CMIP: variants seen among roughly 807,000 people sequenced by gnomAD.
The protein encoded by CMIP is C-Maf-inducing protein.
Under a neutral mutation model 97.3 loss-of-function variants are expected in CMIP, and 13 were observed. That is an observed-to-expected ratio of 0.13 (90% confidence interval 0.09 to 0.21). CMIP has a LOEUF of 0.21. CMIP is among the 10% of genes least tolerant of loss of function. The probability of loss-of-function intolerance (pLI) is 1.00; values close to 1 mark genes in which losing one functional copy is unlikely to be tolerated. For missense variants in CMIP, 847 were observed against 1,024.9 expected (o/e 0.83, Z 2.37); for synonymous variants, 538 against 436.3 (o/e 1.23, Z -2.91).
intron 3 of CMIP, chr16:81,630,552 G>A (rs142989880): frequency 2.3e-3 from 358 of 152,390 alleles, no homozygotes; most frequent in Non-Finnish European, 4.0e-3. Context: ...CTGTGCCTCC[G>A]TGGGGTTTTC....
chr16:81,495,403 A>G lies in CMIP; in HGVS notation c.300+49862A>G, dbSNP rs529257444. On this transcript the variant is annotated intron_variant, in intron 1 of 20. Transcript: ENST00000537098. ...CATAACCGTTTGAGAACAACAAACC[A>G]AGCCGGCCGGGCTGCCGCTCTGTTT... The G allele has an allele frequency of 1.1e-5, 17 of 1,567,780 alleles. No homozygotes were observed. The African/African-American group carries it at 1.8e-4, about 16-fold the overall frequency.
intron 9 of CMIP, among the ~76,000 whole-genome samples, chr16:81,677,099 C>T (rs1185560403): frequency 6.6e-6 from 1 of 152,138 alleles, no homozygotes; most frequent in African/African-American, 2.4e-5. Context: ...CCAGGGGATC[C>T]TGGTGTCCCG....
rs1906742128 is a variant in CMIP at position 81,696,567 on chromosome 16, C to T, written c.1538C>T (p.Ser513Leu). 6.2e-7 allele frequency: 1 copy of T among 1,604,316 alleles called. No homozygotes were observed. ...TCTTCCCTTGTCTGGCAGGTCCACT[C>T]ATGCCTGCTGAGCGTGCGGGCCGGC... ...FAEDPRQEVH[S>L]CLLSVRAGKD... is the part of the protein sequence containing the mutation. The change falls in exon 14 of 21, where the codon TCA (serine) becomes TTA (leucine). Residue 513 changes from serine (S) to leucine (L), a missense_variant. Physicochemically the swap from Ser to Leu is moderately radical, Grantham distance 145. This residue lies in a region of CMIP where 266 missense variants were observed against 384.2 expected (regional missense o/e 0.69). Coordinates refer to ENST00000537098, the MANE Select transcript of CMIP (RefSeq NM_198390.3).
At chr16:81,468,775 C>T (rs773458152) in intron 1 of CMIP, among the ~76,000 whole-genome samples, 1 of 152,222 alleles carries the variant, frequency 6.6e-6, no homozygotes, top group Non-Finnish European at 1.5e-5. Flanking sequence ...CCGCTCAGGC[C>T]AGGAGGAGAA....
intron 1 of CMIP, among the ~76,000 whole-genome samples, chr16:81,472,557 G>A (rs1275168635): frequency 1.3e-5 from 2 of 152,244 alleles, no homozygotes; most frequent in Non-Finnish European, 2.9e-5. Flanking sequence ...GTCCTAGGGT[G>A]CCCCAACATG....
chr16:81,667,766 A>AGAGAGAGAG (rs2092620342), intron 7 of CMIP, among the ~76,000 whole-genome samples: 1 of 85,138 alleles, frequency 1.2e-5, no homozygotes, highest in Non-Finnish European at 2.3e-5. Context: ...GAGGGAGAGA[A>AGAGAGAGAG]AGAGAGAGAG....
intron 1 of CMIP, among the ~76,000 whole-genome samples, chr16:81,599,905 G>A (rs190918448): frequency 2.0e-5 from 3 of 152,232 alleles, no homozygotes; most frequent in East Asian, 1.9e-4. Context: ...TGTTAACCAC[G>A]GGCACCTGTG....
chr16:81,548,896 C>T (rs773055955), intron 1 of CMIP, among the ~76,000 whole-genome samples: 11 of 152,246 alleles, frequency 7.2e-5, no homozygotes, highest in Admixed American at 3.3e-4. Flanking sequence ...TTGCCAAATG[C>T]CCCCCGTTGG....
At chr16:81,587,561 A>G (rs2091402729) in intron 1 of CMIP, among the ~76,000 whole-genome samples, 1 of 152,126 alleles carries the variant, frequency 6.6e-6, no homozygotes, top group Non-Finnish European at 1.5e-5. Flanking sequence ...TGTTCTTCTC[A>G]TTCCCATTTT....
chr16:81,651,727 C>G (rs954029741), intron 3 of CMIP, among the ~76,000 whole-genome samples: 1 of 152,102 alleles, frequency 6.6e-6, no homozygotes, highest in African/African-American at 2.4e-5. Context: ...AGAAGTCTCC[C>G]CCTTTTCTTT....
chr16:81,640,510 G>C (rs930052829), intron 3 of CMIP, among the ~76,000 whole-genome samples: 3 of 152,148 alleles, frequency 2.0e-5, no homozygotes, highest in African/African-American at 7.2e-5. Context: ...TCCAACAGCT[G>C]CTATGACAAA....
chr16:81,465,771 CAG>C (rs1907165880), intron 1 of CMIP, among the ~76,000 whole-genome samples: 1 of 152,200 alleles, frequency 6.6e-6, no homozygotes. Context: ...GTGGGAAAGG[CAG>C]GGGTTGTGCC....
intron 1 of CMIP, among the ~76,000 whole-genome samples, chr16:81,569,396 G>A (rs8059803): frequency 0.7 from 105,877 of 152,102 alleles, 37,089 homozygotes; most frequent in South Asian, 0.78. Flanking sequence ...CCTCAAGCCC[G>A]TGCTCTCCTT....
intron 3 of CMIP, among the ~76,000 whole-genome samples, chr16:81,640,243 T>C (rs2092287233): frequency 6.7e-6 from 1 of 149,318 alleles, no homozygotes; most frequent in East Asian, 2.0e-4. Context: ...TGGAAGTCAG[T>C]GTTTCTGTCC....
intron 1 of CMIP, among the ~76,000 whole-genome samples, chr16:81,566,781 C>T (rs1239528400): frequency 6.6e-6 from 1 of 152,132 alleles, no homozygotes; most frequent in East Asian, 1.9e-4. Flanking sequence ...ACAGATAAAC[C>T]AATTGTGGCA....
intron 1 of CMIP, among the ~76,000 whole-genome samples, chr16:81,598,229 C>T (rs913288666): frequency 6.6e-6 from 1 of 151,826 alleles, no homozygotes; most frequent in African/African-American, 2.4e-5. Flanking sequence ...TACAACAGAG[C>T]TGACCAACGG....
chr16:81,548,293 C>G (rs1432614184), intron 1 of CMIP, among the ~76,000 whole-genome samples: 1 of 152,092 alleles, frequency 6.6e-6, no homozygotes, highest in African/African-American at 2.4e-5. Flanking sequence ...GCCACCACTC[C>G]TGGCTAATTT....
chr16:81,538,323 T>A (rs2090385748), intron 1 of CMIP, among the ~76,000 whole-genome samples: 2 of 152,238 alleles, frequency 1.3e-5, no homozygotes, highest in Admixed American at 1.3e-4. Context: ...GGCTCCTGCC[T>A]GCAGTGGCCC....
chr16:81,501,881 G>C (rs906744742), intron 1 of CMIP, among the ~76,000 whole-genome samples: 3 of 152,170 alleles, frequency 2.0e-5, no homozygotes, highest in Non-Finnish European at 4.4e-5. Flanking sequence ...CAAAGTGCTG[G>C]GGTTACAGGC....
Sources: allele counts gnomAD v4.1 joint callset (sites outside exome capture counted in the v4.1 genomes callset), GRCh38; gene constraint gnomAD v4.1.1; regional missense constraint gnomAD v4.1.1; transcripts MANE v1.5; gene names NCBI Gene and HGNC (gene_info 2026-07-23, HGNC 2026-07-21).